GIGYF2: variants seen among roughly 807,000 people sequenced by gnomAD.
The protein encoded by GIGYF2 is GRB10 interacting GYF protein 2, also known as GRB10-interacting GYF protein 2.
GIGYF2 carries 25 observed loss-of-function variants against 208.1 expected under a neutral mutation model. That is an observed-to-expected ratio of 0.12 (90% confidence interval 0.09 to 0.17). GIGYF2 has a LOEUF of 0.17. Among genes scored for constraint, GIGYF2 ranks in the 10% least tolerant of loss-of-function variants. The pLI is 1.00. For missense variants in GIGYF2, 1,302 were observed against 1,579.4 expected (o/e 0.82, Z 2.98); for synonymous variants, 534 against 543.8 (o/e 0.98, Z 0.25).
At chr2:232,826,117 G>A (rs887039174) in intron 21 of GIGYF2, among the ~76,000 whole-genome samples, 2 of 152,130 alleles carry the variant, frequency 1.3e-5, no homozygotes, top group African/African-American at 4.8e-5. Flanking sequence ...ATGGACATTT[G>A]GGTTGGTTCC....
chr2:232,837,337 AAGGAGAGT>A (rs1195968748), intron 22 of GIGYF2, among the ~76,000 whole-genome samples: 1 of 152,194 alleles, frequency 6.6e-6, no homozygotes, highest in African/African-American at 2.4e-5. Flanking sequence ...GGGAGGAGAG[AAGGAGAGT>A]AGGTCTTGGT....
intron 2 of GIGYF2, among the ~76,000 whole-genome samples, chr2:232,726,532 G>A (rs926850712): frequency 1.3e-5 from 2 of 152,022 alleles, no homozygotes; most frequent in African/African-American, 4.8e-5. Flanking sequence ...CTTGAGCTGA[G>A]GAGTTCAAGT....
At chr2:232,745,806 G>GA (rs565174772) in intron 3 of GIGYF2, among the ~76,000 whole-genome samples, 8 of 152,160 alleles carry the variant, frequency 5.3e-5, no homozygotes, top group Admixed American at 2.6e-4. Context: ...CCTCTTGATG[G>GA]AATAACATAC....
In GIGYF2 at chr2:232,716,481, C is replaced by G. The variant is rs189064381; in HGVS notation, c.-44+12992C>G. Among the ~76,000 whole-genome samples, 9 of 147,678 alleles carry G rather than the reference C, an allele frequency of 6.1e-5. No homozygotes were observed. In the East Asian group the frequency reaches 6.2e-4, roughly 10 times the overall value. ...GCAACTTCCACCTCCCGCGTTCAAG[C>G]AATCCTCATGCCTCAGTCATCCCTA... On this transcript the variant is annotated intron_variant, in intron 2 of 28. Transcript: ENST00000373563.
intron 14 of GIGYF2, among the ~76,000 whole-genome samples, chr2:232,801,935 T>C (rs1012215414): frequency 1.3e-5 from 2 of 152,236 alleles, no homozygotes; most frequent in Non-Finnish European, 2.9e-5. Flanking sequence ...TTTATTTAGG[T>C]CTTTAATTTC....
In GIGYF2 at chr2:232,826,916, A is replaced by G. The variant is rs1559460770; in HGVS notation, c.2530-5941A>G. Reference sequence around the variant, plus strand: ...CCACCACCCTGATCAGCAGCCATCAACATCAAGCCAAGACCATCAAAAAAG... The same window carrying G: ...CCACCACCCTGATCAGCAGCCATCAGCATCAAGCCAAGACCATCAAAAAAG... On this transcript the variant is annotated intron_variant, in intron 21 of 28. Transcript: ENST00000373563. Among the ~76,000 whole-genome samples the G allele has an allele frequency of 2.0e-5, 3 of 152,220 alleles. 1 individual carries two copies. The highest frequency in any genetic ancestry group is 2.0e-4 in the Admixed American group (3 of 15,280).
intron 14 of GIGYF2, among the ~76,000 whole-genome samples, chr2:232,800,611 G>T (rs181413628): frequency 1.3e-5 from 2 of 150,370 alleles, no homozygotes; most frequent in Admixed American, 1.3e-4. Context: ...TTAAGACCGG[G>T]TCTTGCTCTG....
intron 12 of GIGYF2, 152 bp from the exon 13 acceptor site, chr2:232,794,596 T>TA (rs778270102): frequency 1.7e-5 from 12 of 712,890 alleles, no homozygotes; most frequent in South Asian, 6.2e-5. Flanking sequence ...GAAGGAATAT[T>TA]ACGTTTCTCC....
chr2:232,725,882 T>G (rs1697176522), intron 2 of GIGYF2, among the ~76,000 whole-genome samples: 1 of 152,232 alleles, frequency 6.6e-6, no homozygotes, highest in Non-Finnish European at 1.5e-5. Context: ...GGATTTTGTT[T>G]AGAAAATCTA....
Position 232,858,180 on chromosome 2 carries a change from G to C in GIGYF2, c.*1320G>C, listed in dbSNP as rs959937913. ...TGGAATTGCCACTCACACTGGGTTGGAGTCATTGGGCAGCTGTGCCTGTGC... is the reference window on the plus strand; with the variant it reads ...TGGAATTGCCACTCACACTGGGTTGCAGTCATTGGGCAGCTGTGCCTGTGC... On this transcript the variant is annotated 3_prime_UTR_variant, in exon 29 of 29. Transcript: ENST00000373563. 27 of 268,748 alleles carry C rather than the reference G, an allele frequency of 1.0e-4. No individual in the cohort carries two copies. The highest frequency in any genetic ancestry group is 9.4e-5 in the Non-Finnish European group (13 of 138,750). 16.6% of individuals were successfully genotyped at this position (268,748 alleles called of 1,614,324 possible). A position where few individuals can be genotyped will look rare whatever the true frequency, so the allele number is the denominator to read the frequency against.
intron 20 of GIGYF2, among the ~76,000 whole-genome samples, chr2:232,817,542 A>C (rs13382726): frequency 0.023 from 3,530 of 152,054 alleles, 147 homozygotes; most frequent in African/African-American, 0.08. Flanking sequence ...AAGGAGCCCC[A>C]CTCCCTCCAT....
At chr2:232,832,696 T>C (rs1011270202) in intron 21 of GIGYF2, among the ~76,000 whole-genome samples, 161 bp from the exon 22 acceptor site, 8 of 152,190 alleles carry the variant, frequency 5.3e-5, no homozygotes, top group African/African-American at 1.7e-4. Context: ...TATAAATATA[T>C]TTTAAAAGAA....
At chr2:232,716,662 C>T (rs1696695825) in intron 2 of GIGYF2, among the ~76,000 whole-genome samples, 1 of 152,072 alleles carries the variant, frequency 6.6e-6, no homozygotes, top group Non-Finnish European at 1.5e-5. Flanking sequence ...GGATTACAGG[C>T]ATGAGCCACT....
At chr2:232,742,552 A>AAAAT (rs369981563) in intron 3 of GIGYF2, among the ~76,000 whole-genome samples, 1,868 of 152,244 alleles carry the variant, frequency 0.012, 41 homozygotes, top group African/African-American at 0.042. Flanking sequence ...CTCTGTCTCA[A>AAAAT]AAATAAATAA....
chr2:232,729,660 C>A, intron 2 of GIGYF2: 1 of 947,550 alleles, frequency 1.1e-6, no homozygotes, highest in Middle Eastern at 3.3e-4. Context: ...ATTCTGTATC[C>A]CACTTGAACT....
chr2:232,729,172 T>C (rs1697341266), intron 2 of GIGYF2, among the ~76,000 whole-genome samples: 1 of 151,800 alleles, frequency 6.6e-6, no homozygotes, highest in African/African-American at 2.4e-5. Context: ...AGAGATGAGG[T>C]TTTTGTCATG....
At chr2:232,783,781 C>T (rs1310975082) in intron 8 of GIGYF2, among the ~76,000 whole-genome samples, 1 of 152,088 alleles carries the variant, frequency 6.6e-6, no homozygotes, top group Non-Finnish European at 1.5e-5. Flanking sequence ...CTGCCACCCG[C>T]TTCAAGTGAT....
At chr2:232,785,856 T>C (rs776327598) in intron 8 of GIGYF2, among the ~76,000 whole-genome samples, 3 of 152,254 alleles carry the variant, frequency 2.0e-5, no homozygotes, top group Non-Finnish European at 2.9e-5. Context: ...TGTTCAATTA[T>C]TTTTTCACTT....
chr2:232,803,680 T>TGTCCCATAGATCACTGTC (rs1191891760), intron 14 of GIGYF2, among the ~76,000 whole-genome samples: 9 of 94,158 alleles, frequency 9.6e-5, no homozygotes, highest in Admixed American at 3.1e-4. Flanking sequence ...GCTTCTTTTT[T>TGTCCCATAGATCACTGTC]TTTTTTTTTT....
Sources: gnomAD v4.1 joint callset for allele counts (sites outside exome capture counted in the v4.1 genomes callset) on GRCh38, gnomAD v4.1.1 for gene constraint, MANE v1.5 for transcripts, NCBI Gene and HGNC (gene_info 2026-07-23, HGNC 2026-07-21) for gene names.